Variants in DCAF4 observed in about 807,000 individuals in gnomAD.
DCAF4 encodes the protein DDB1 and CUL4 associated factor 4, also known as DDB1- and CUL4-associated factor 4.
A neutral mutation model predicts 60.9 loss-of-function variants in DCAF4; 37 were observed. The ratio of observed to expected loss-of-function variants is 0.61; its 90% confidence interval spans 0.47 to 0.80. DCAF4 has a LOEUF of 0.80. Ranked by LOEUF, DCAF4 falls within the 30% of genes least tolerant of loss-of-function variation. DCAF4 has a pLI of 0.00. For synonymous variants in DCAF4, 243 were observed against 254.8 expected (o/e 0.95, Z 0.44); for missense variants, 577 against 650.0 (o/e 0.89, Z 1.22).
intron 6 of DCAF4, among the ~76,000 whole-genome samples, chr14:72,943,736 G>C (rs547335884): frequency 6.6e-6 from 1 of 152,180 alleles, no homozygotes; most frequent in Non-Finnish European, 1.5e-5. Flanking sequence ...GACCACGTAA[G>C]AGCAGGGCCT....
intron 7 of DCAF4, 48 bp from the exon 8 acceptor site, chr14:72,947,094 A>G (rs765431926): frequency 1.2e-6 from 2 of 1,609,050 alleles, no homozygotes; most frequent in Non-Finnish European, 1.7e-6. Flanking sequence ...ACAGGAAAGC[A>G]TATTACTGTA....
chr14:72,960,450 C>T (rs142446297), downstream of DCAF4: 11 of 203,278 alleles, frequency 5.4e-5, no homozygotes, highest in African/African-American at 1.4e-4. Flanking sequence ...GCACCTGGCC[C>T]GATTCTTAAA....
intron 1 of DCAF4, chr14:72,929,840 C>G (rs968810845): frequency 5.4e-5 from 76 of 1,419,506 alleles, no homozygotes; most frequent in Middle Eastern, 2.4e-4. Context: ...CTCAGACGCC[C>G]GCGGCGGCGG....
rs1892658152 is a variant in DCAF4, at chr14:72,959,086, T to C, written c.*281T>C. 2 of 1,117,520 alleles carry C rather than the reference T, an allele frequency of 1.8e-6. No homozygotes were observed. The highest frequency in any genetic ancestry group is 4.2e-5 in the South Asian group (1 of 23,746). 69.2% of individuals were successfully genotyped at this position (1,117,520 alleles called of 1,614,324 possible). A position where few individuals can be genotyped will look rare whatever the true frequency, so the allele number is the denominator to read the frequency against. On this transcript the variant is annotated 3_prime_UTR_variant, in exon 14 of 14. Transcript: ENST00000358377. The stretch of plus-strand genomic sequence containing the variant: ...AACTTAGTTAACCCTCCCTGCCTTT[T>C]CTTAACAAAAAGGACTTTTCTAAGG...
chr14:72,931,263 CTTTTTTTTTTT>C (rs370127536), intron 1 of DCAF4, among the ~76,000 whole-genome samples: 29 of 126,790 alleles, frequency 2.3e-4, no homozygotes, highest in Middle Eastern at 4.1e-3. Context: ...TACTTTTTCT[CTTTTTTTTTTT>C]TTTTTTTGTA....
At chr14:72,961,960 T>C, downstream of DCAF4, 1 of 1,142,348 alleles carries the variant, frequency 8.8e-7, no homozygotes, top group Non-Finnish European at 1.1e-6. Flanking sequence ...TCGGAGCACG[T>C]CTGTCTTTGG....
intron 8 of DCAF4, 94 bp downstream of exon 8, chr14:72,947,285 AC>A: frequency 7.2e-7 from 1 of 1,391,932 alleles, no homozygotes; most frequent in Non-Finnish European, 1.0e-6. Context: ...CATCTTAGTG[AC>A]CAGAGGACTA....
At chr14:72,960,098 C>T (rs182544081), downstream of DCAF4, among the ~76,000 whole-genome samples, 1 of 152,060 alleles carries the variant, frequency 6.6e-6, no homozygotes, top group Admixed American at 6.6e-5. Flanking sequence ...TCGCAGTTAC[C>T]CACTTGAATG....
At chr14:72,936,133 G>A (rs571245179) in intron 1 of DCAF4, among the ~76,000 whole-genome samples, 1 of 152,200 alleles carries the variant, frequency 6.6e-6, no homozygotes, top group Non-Finnish European at 1.5e-5. Context: ...TTCCCTTCCT[G>A]TGCGCAGTCC....
intron 9 of DCAF4, among the ~76,000 whole-genome samples, chr14:72,952,679 G>A (rs1443202687): frequency 2.1e-5 from 3 of 145,558 alleles, no homozygotes; most frequent in Non-Finnish European, 3.0e-5. Flanking sequence ...ATTGTTTTAT[G>A]TCTTGTCTTG....
In DCAF4 at chr14:72,940,494, G is replaced by T; in HGVS notation, c.351+117G>T. The T allele has an allele frequency of 2.7e-6, 3 of 1,097,542 alleles. No homozygotes were observed. In the South Asian group the frequency reaches 5.7e-5, roughly 21 times the overall value. 68.0% of individuals were successfully genotyped at this position (1,097,542 alleles called of 1,614,324 possible). A position where few individuals can be genotyped will look rare whatever the true frequency, so the allele number is the denominator to read the frequency against. ...GCGACACTTAGCAGAGGCACTTCAG[G>T]GGGTGTGGCCCTAGCTTTTCCCTGA... On this transcript the variant is annotated intron_variant, in intron 4 of 13. Transcript: ENST00000358377.
chr14:72,956,132 A>G (rs1216017287), intron 12 of DCAF4, among the ~76,000 whole-genome samples: 1 of 151,962 alleles, frequency 6.6e-6, no homozygotes, highest in Non-Finnish European at 1.5e-5. Flanking sequence ...CATGTTGGTC[A>G]GGCTGGTCTC....
chr14:72,930,647 A>G (rs990219249), intron 1 of DCAF4, among the ~76,000 whole-genome samples: 1 of 151,814 alleles, frequency 6.6e-6, no homozygotes, highest in Admixed American at 6.6e-5. Flanking sequence ...GTGTGTATAT[A>G]TATATATGTA....
chr14:72,941,597 A>G, intron 4 of DCAF4, 148 bp from the exon 5 acceptor site: 1 of 702,854 alleles, frequency 1.4e-6, no homozygotes, highest in South Asian at 1.9e-5. Flanking sequence ...GAGACTTGGA[A>G]AGGACACCGT....
chr14:72,944,336 C>A (rs1890447932), intron 6 of DCAF4, among the ~76,000 whole-genome samples: 1 of 152,178 alleles, frequency 6.6e-6, no homozygotes, highest in Non-Finnish European at 1.5e-5. Context: ...ATAACTTCTT[C>A]CTGAGTAAAC....
chr14:72,953,826 G>GTGTGTA (rs1306436881), intron 9 of DCAF4, among the ~76,000 whole-genome samples: 32 of 86,586 alleles, frequency 3.7e-4, no homozygotes, highest in African/African-American at 1.4e-3. Context: ...GTGTGTGTGT[G>GTGTGTA]TGTATATACA....
chr14:72,960,527 C>A, downstream of DCAF4: 1 of 782,106 alleles, frequency 1.3e-6, no homozygotes, highest in East Asian at 9.6e-5. Context: ...CAGCAAACCC[C>A]AGGGCAGTTT....
intron 9 of DCAF4, among the ~76,000 whole-genome samples, chr14:72,952,385 G>A (rs1301918578): frequency 6.6e-6 from 1 of 152,184 alleles, no homozygotes; most frequent in African/African-American, 2.4e-5. Context: ...AACTTGAATG[G>A]AATGTTGAAC....
At chr14:72,939,933 C>T in intron 3 of DCAF4, 31 bp downstream of exon 3, 1 of 1,551,812 alleles carries the variant, frequency 6.4e-7, no homozygotes, top group Non-Finnish European at 8.7e-7. Flanking sequence ...GGAATCCTGG[C>T]CCTTGCACAC....
Sources: allele counts gnomAD v4.1 joint callset (sites outside exome capture counted in the v4.1 genomes callset), GRCh38; gene constraint gnomAD v4.1.1; transcripts MANE v1.5; gene names NCBI Gene and HGNC (gene_info 2026-07-23, HGNC 2026-07-21).